Variants in CNTN4 observed in about 807,000 individuals in gnomAD.
The protein encoded by CNTN4 is contactin 4.
In CNTN4, 77 loss-of-function variants were observed where a neutral mutation model predicts 122.5. That is an observed-to-expected ratio of 0.63 (90% CI 0.52 to 0.76). The LOEUF is 0.76. CNTN4 is among the 30% of genes least tolerant of loss of function. CNTN4 has a pLI of 0.00. For missense variants in CNTN4, 1,256 were observed against 1,259.1 expected, an observed-to-expected ratio of 1.00 and a Z score of 0.04; for synonymous variants, 512 against 447.0, an observed-to-expected ratio of 1.15 and a Z score of -1.83.
intron 2 of CNTN4, among the ~76,000 whole-genome samples, chr3:2,301,312 TC>T (rs2042509933): frequency 6.6e-6 from 1 of 152,236 alleles, no homozygotes; most frequent in African/African-American, 2.4e-5. Flanking sequence ...TCATGAATAA[TC>T]TATCTTAACC....
chr3:2,244,860 T>C (rs2040081749), intron 2 of CNTN4, among the ~76,000 whole-genome samples: 1 of 152,036 alleles, frequency 6.6e-6, no homozygotes, highest in South Asian at 2.1e-4. Flanking sequence ...GAAAATGCTG[T>C]AATGGTCTAT....
chr3:2,390,157 T>G lies in CNTN4; in HGVS notation c.-89+50924T>G, dbSNP rs139697148. On this transcript the variant is annotated intron_variant, in intron 3 of 24. Transcript: ENST00000418658. ...ATTTTAGGAAATATACAATAAATTA[T>G]TTAGGGTTAAATAAATGTCATGTCT... Among the ~76,000 whole-genome samples, 702 of 152,096 alleles carry G rather than the reference T, an allele frequency of 4.6e-3. 4 individuals are homozygous for G. Among genetic ancestry groups the G allele is most frequent in the African/African-American group, 0.016 (679 of 41,486 alleles).
intron 3 of CNTN4, among the ~76,000 whole-genome samples, chr3:2,439,492 A>G (rs575883110): frequency 2.0e-4 from 30 of 152,160 alleles, no homozygotes; most frequent in Non-Finnish European, 2.5e-4. Flanking sequence ...GTCAGTGATG[A>G]TCGAATTTTA....
At chr3:2,543,905 C>A (rs1027229788) in intron 3 of CNTN4, among the ~76,000 whole-genome samples, 3 of 152,022 alleles carry the variant, frequency 2.0e-5, no homozygotes, top group Non-Finnish European at 4.4e-5. Flanking sequence ...AAAAATCATT[C>A]AATCAAGAGC....
intron 7 of CNTN4, among the ~76,000 whole-genome samples, chr3:2,864,946 T>A (rs1317580804): frequency 1.3e-5 from 2 of 151,994 alleles, no homozygotes; most frequent in African/African-American, 4.8e-5. Context: ...GCTGATAGAT[T>A]ACTAGGTTTG....
Position 2,286,124 on chromosome 3 carries a change from A to G in CNTN4, c.-144-53054A>G, listed in dbSNP as rs116518737. ...ATTCTGTTTCCCATTTTTATAAGCAAAAATGGTATTATATCTTCTTTAATT... is the reference window on the plus strand; with the variant it reads ...ATTCTGTTTCCCATTTTTATAAGCAGAAATGGTATTATATCTTCTTTAATT... On this transcript the variant is annotated intron_variant, in intron 2 of 24. Coordinates refer to ENST00000418658, the MANE Select transcript of CNTN4 (RefSeq NM_175607.3). Among the ~76,000 whole-genome samples, 1,223 of 152,114 alleles carry G rather than the reference A, an allele frequency of 8.0e-3. 18 individuals carry two copies. Among genetic ancestry groups the G allele is most frequent in the African/African-American group, 0.028 (1,158 of 41,498 alleles).
chr3:2,811,808 A>AG (rs11426633), intron 6 of CNTN4, among the ~76,000 whole-genome samples: 91,509 of 151,738 alleles, frequency 0.6, 28,184 homozygotes, highest in African/African-American at 0.7. Context: ...CTGGGACTAC[A>AG]GCACATGTCA....
rs780092859 is a variant in CNTN4, at chr3:3,042,350, T to G, written c.2439T>G (p.Leu813=). 5 of 1,614,184 alleles carry G rather than the reference T, an allele frequency of 3.1e-6. No homozygotes were observed. In the South Asian group the frequency reaches 5.5e-5, roughly 18 times the overall value. ...CAGCCAGTATCTTTGCCAGAAGTCT[T>G]TCTGCCACAGATATTGAAGTTTTCT... ...KPPASIFARS[L]SATDIEVFWA... is the part of the protein sequence containing the mutation. The change falls in exon 21 of 25, where the codon CTT becomes CTG. Residue 813 remains leucine (L), a synonymous_variant. Transcript: ENST00000418658.
intron 14 of CNTN4, among the ~76,000 whole-genome samples, chr3:3,011,403 C>T (rs1030023571): frequency 2.6e-5 from 4 of 152,100 alleles, no homozygotes; most frequent in African/African-American, 7.2e-5. Flanking sequence ...GCATTTTTCA[C>T]AGTGTCTGAT....
intron 8 of CNTN4, among the ~76,000 whole-genome samples, chr3:2,867,777 GA>G (rs2093740703): frequency 6.6e-6 from 1 of 151,764 alleles, no homozygotes; most frequent in African/African-American, 2.4e-5. Flanking sequence ...TCGAGTCTAC[GA>G]CCATACCCCA....
At chr3:2,627,606 G>A (rs1195059366) in intron 4 of CNTN4, among the ~76,000 whole-genome samples, 2 of 148,376 alleles carry the variant, frequency 1.3e-5, no homozygotes. Flanking sequence ...CCATTCTCCT[G>A]CTTCAGCCTC....
At chr3:2,585,443 T>C (rs1312780067) in intron 4 of CNTN4, among the ~76,000 whole-genome samples, 2 of 152,046 alleles carry the variant, frequency 1.3e-5, no homozygotes, top group Non-Finnish European at 2.9e-5. Flanking sequence ...CCAACCCAAA[T>C]GTCCATCAGT....
rs554857844 is a variant in CNTN4 at position 2,944,571 on chromosome 3, C to G, written c.1358+18792C>G. ...CTTGAATACTAGACTCTATTAAACACCTACCGAAAACACAGCAAAGCAAAA... is the reference window on the plus strand; with the variant it reads ...CTTGAATACTAGACTCTATTAAACAGCTACCGAAAACACAGCAAAGCAAAA... On this transcript the variant is annotated intron_variant, in intron 13 of 24. Transcript: ENST00000418658. Among the ~76,000 whole-genome samples the G allele has an allele frequency of 7.9e-5, 12 of 152,220 alleles. No individual in the cohort carries two copies. The South Asian group carries it at 2.5e-3, about 32-fold the overall frequency.
chr3:2,967,497 T>G (rs1692437589), intron 13 of CNTN4, among the ~76,000 whole-genome samples: 1 of 152,126 alleles, frequency 6.6e-6, no homozygotes, highest in Non-Finnish European at 1.5e-5. Context: ...GGGTTTCTTA[T>G]GGGAAAGGGC....
At chr3:3,034,509 C>A in intron 16 of CNTN4, 123 bp from the exon 17 acceptor site, 3 of 1,064,346 alleles carry the variant, frequency 2.8e-6, no homozygotes, top group Non-Finnish European at 4.3e-6. Context: ...AAGGATTTGA[C>A]AAGTGATGAA....
chr3:2,400,404 A>AGAG (rs1553640862), intron 3 of CNTN4, among the ~76,000 whole-genome samples: 2 of 91,438 alleles, frequency 2.2e-5, no homozygotes, highest in African/African-American at 3.6e-5. Context: ...TATGTGTGTG[A>AGAG]ATATATATAT....
At chr3:2,907,532 C>T (rs28432315) in intron 12 of CNTN4, among the ~76,000 whole-genome samples, 7,819 of 150,598 alleles carry the variant, frequency 0.052, 688 homozygotes, top group African/African-American at 0.18. Context: ...AAGATTGCAC[C>T]ACTGCACTCC....
rs17011699 is a variant in CNTN4 at position 2,279,244 on chromosome 3, G to A, written c.-144-59934G>A. On this transcript the variant is annotated intron_variant, in intron 2 of 24. Coordinates refer to ENST00000418658, the MANE Select transcript of CNTN4 (RefSeq NM_175607.3). ...CTGGATAATTGTATAATGTCAAGGT[G>A]GAATCACACGTGTAACTTTCTAATC... Among the ~76,000 whole-genome samples the A allele has an allele frequency of 7.8e-3, 1,184 of 152,120 alleles. 17 individuals are homozygous for A. The highest frequency in any genetic ancestry group is 0.027 in the African/African-American group (1,119 of 41,468).
intron 6 of CNTN4, among the ~76,000 whole-genome samples, chr3:2,804,871 G>A (rs1000039191): frequency 6.6e-6 from 1 of 152,022 alleles, no homozygotes; most frequent in Non-Finnish European, 1.5e-5. Flanking sequence ...CTATTTTAGG[G>A]ACACTGAAAA....
Sources: allele counts gnomAD v4.1 joint callset (sites outside exome capture counted in the v4.1 genomes callset), GRCh38; gene constraint gnomAD v4.1.1; transcripts MANE v1.5; gene names NCBI Gene and HGNC (gene_info 2026-07-23, HGNC 2026-07-21).